The following DPY19L4 variants were observed in gnomAD, a reference collection of about 807,000 sequenced individuals.
DPY19L4 encodes the protein probable C-mannosyltransferase DPY19L4.
Under a neutral mutation model 102.8 loss-of-function variants are expected in DPY19L4, and 97 were observed. The observed-to-expected ratio is 0.94, with a 90% CI of 0.80 to 1.12. The LOEUF (loss-of-function observed/expected upper bound fraction) is 1.12, where lower values mean the gene tolerates loss of function less well. Ranked by LOEUF, DPY19L4 falls within the 50% of genes most tolerant of loss-of-function variation. The pLI, the probability that DPY19L4 is intolerant of heterozygous loss-of-function variation, is 0.00. For synonymous variants in DPY19L4, 252 were observed against 283.1 expected, an observed-to-expected ratio of 0.89 and a Z score of 1.10; for missense variants, 815 against 850.4, an observed-to-expected ratio of 0.96 and a Z score of 0.52.
intron 13 of DPY19L4, among the ~76,000 whole-genome samples, chr8:94,774,793 A>T (rs988350341): frequency 2.0e-5 from 3 of 151,674 alleles, no homozygotes. Context: ...GTCAGGCTGG[A>T]CTCAAACTCC....
chr8:94,741,215 A>G (rs1162184804), intron 6 of DPY19L4, among the ~76,000 whole-genome samples: 1 of 152,174 alleles, frequency 6.6e-6, no homozygotes, highest in Non-Finnish European at 1.5e-5. Context: ...GTTTGGGGGA[A>G]TGGCAGTCAG....
At position 94,739,437 on chromosome 8, in the gene DPY19L4, A is replaced by G. The variant is rs1811335972; in HGVS notation, c.368A>G (p.Asn123Ser). 1.3e-6 allele frequency: 2 copies of G among 1,590,994 alleles called. No individual in the cohort carries two copies. The highest frequency in any genetic ancestry group is 1.9e-5 in the Admixed American group (1 of 52,694). ...ERGVYELTHN[N>S]KTVSLKTINA... ...GGTGTTTACGAACTGACACACAATA[A>G]CAAAACTGTATCTCTGAAGACTATA... The change falls in exon 5 of 19, where the codon AAC becomes AGC. Residue 123 changes from asparagine (N) to serine (S), a missense_variant. Physicochemically the swap from Asn to Ser is conservative, Grantham distance 46 (BLOSUM62 1). Coordinates refer to ENST00000414645, the MANE Select transcript of DPY19L4 (RefSeq NM_181787.3).
chr8:94,764,569 C>A (rs1438481182), intron 8 of DPY19L4, among the ~76,000 whole-genome samples: 1 of 133,080 alleles, frequency 7.5e-6, no homozygotes, highest in African/African-American at 2.9e-5. Context: ...GAGCGAGACT[C>A]CGTCTCAAAA....
At chr8:94,731,109 T>C (rs1810935197) in intron 2 of DPY19L4, among the ~76,000 whole-genome samples, 1 of 149,882 alleles carries the variant, frequency 6.7e-6, no homozygotes, top group Non-Finnish European at 1.5e-5. Context: ...TATATAGAAA[T>C]TGGTTGAATA....
Position 94,726,429 on chromosome 8 carries a change from A to G in DPY19L4, c.115A>G (p.Arg39Gly). 1 of 1,607,568 alleles carries G rather than the reference A, an allele frequency of 6.2e-7. No homozygotes were observed. The change falls in exon 2 of 19, where the codon AGA (arginine) becomes GGA (glycine). Residue 39 changes from arginine (R) to glycine (G), a missense_variant. Transcript: ENST00000414645. ...EKISDIPIPERAPKHVLFQRF... is the reference protein window; with the variant it reads ...EKISDIPIPEGAPKHVLFQRF... ...AATCAGTGACATTCCAATTCCTGAA[A>G]GAGCTCCAAAACGTAAGTTAGATAG...
chr8:94,764,853 C>A (rs139117629), intron 8 of DPY19L4, among the ~76,000 whole-genome samples: 1 of 148,434 alleles, frequency 6.7e-6, no homozygotes, highest in Non-Finnish European at 1.5e-5. Flanking sequence ...CTCAGCCTCC[C>A]GAGTGGCTGG....
chr8:94,734,529 G>A lies in DPY19L4; in HGVS notation c.128-101G>A, dbSNP rs1811110222. On this transcript the variant is annotated intron_variant, in intron 2 of 18. Transcript: ENST00000414645. ...TTTCTCACAATTAGACTCGAGTTGT[G>A]GGTTTTGGGGACAAAGACCATAGAG... 6 of 1,217,882 alleles carry A rather than the reference G, an allele frequency of 4.9e-6. No individual in the cohort carries two copies. The South Asian group carries it at 9.0e-5, about 18-fold the overall frequency. 75.4% of individuals were successfully genotyped at this position (1,217,882 alleles called of 1,614,324 possible).
intron 6 of DPY19L4, among the ~76,000 whole-genome samples, chr8:94,753,893 A>C (rs769841640): frequency 2.6e-5 from 4 of 151,924 alleles, no homozygotes; most frequent in Non-Finnish European, 5.9e-5. Context: ...AAGAAAGTAC[A>C]TTGTGCTACC....
chr8:94,726,792 T>G (rs1357260410), intron 2 of DPY19L4, among the ~76,000 whole-genome samples: 2 of 152,196 alleles, frequency 1.3e-5, no homozygotes, highest in Non-Finnish European at 2.9e-5. Context: ...CACCTTTTAT[T>G]GGCCAAAGCA....
chr8:94,741,282 C>G (rs777125456), intron 6 of DPY19L4, among the ~76,000 whole-genome samples: 1 of 152,088 alleles, frequency 6.6e-6, no homozygotes, highest in Non-Finnish European at 1.5e-5. Context: ...ATCTGTGTGG[C>G]GTTTTTTAGC....
At chr8:94,735,397 A>T (rs1811148580) in intron 3 of DPY19L4, among the ~76,000 whole-genome samples, 1 of 152,214 alleles carries the variant, frequency 6.6e-6, no homozygotes, top group South Asian at 2.1e-4. Context: ...TGGTTTAATT[A>T]ACACCATCAA....
rs759563148 is a variant in DPY19L4 at position 94,739,427 on chromosome 8, A to G, written c.358A>G (p.Thr120Ala). The G allele has an allele frequency of 6.3e-7, 1 of 1,584,272 alleles. No homozygotes were observed. The highest frequency in any genetic ancestry group is 2.2e-5 in the East Asian group (1 of 44,662). The part of the protein sequence containing the change: ...PSFERGVYEL[T>A]HNNKTVSLKT... ...TCTGTCTTTAGGTGTTTACGAACTG[A>G]CACACAATAACAAAACTGTATCTCT... The change falls in exon 5 of 19, where the codon ACA becomes GCA. Residue 120 changes from threonine (T) to alanine (A), a missense_variant. Physicochemically the swap from Thr to Ala is moderately conservative, Grantham distance 58. Transcript: ENST00000414645.
At chr8:94,720,069 G>A (rs1034612723) in intron 1 of DPY19L4, 55 bp downstream of exon 1, 46 of 1,510,506 alleles carry the variant, frequency 3.0e-5, no homozygotes, top group Non-Finnish European at 4.1e-5. Flanking sequence ...CGGGAAGGAG[G>A]GGCGGGGGCG....
At chr8:94,734,592 CAT>C (rs1390920117) in intron 2 of DPY19L4, 36 bp from the exon 3 acceptor site, 3 of 1,574,412 alleles carry the variant, frequency 1.9e-6, no homozygotes, top group Non-Finnish European at 2.6e-6. Context: ...ATCAAGGGTA[CAT>C]ATTACCTTTT....
intron 2 of DPY19L4, among the ~76,000 whole-genome samples, chr8:94,732,690 G>GA (rs138021122): frequency 6.6e-4 from 98 of 148,450 alleles, no homozygotes; most frequent in African/African-American, 2.1e-3. Flanking sequence ...ATCCTGAAAG[G>GA]AAAAAAAAAA....
rs183032169 is a variant in DPY19L4, at chr8:94,770,995, A to G, written c.1454+424A>G. 1.9e-3 allele frequency among the ~76,000 whole-genome samples: 283 copies of G among 149,432 alleles called. 1 individual carries two copies. The highest frequency in any genetic ancestry group is 6.8e-3 in the African/African-American group (273 of 40,318). The stretch of plus-strand genomic sequence containing the variant: ...AGTGGTGCAATCTCAGCTCACTTCA[A>G]CCTCCGCCTCCCAGGTTCAAGCAAT... On this transcript the variant is annotated intron_variant, in intron 13 of 18. Transcript: ENST00000414645.
At chr8:94,745,475 T>C (rs1042496502) in intron 6 of DPY19L4, among the ~76,000 whole-genome samples, 1 of 152,190 alleles carries the variant, frequency 6.6e-6, no homozygotes, top group Non-Finnish European at 1.5e-5. Context: ...AAAAAGCAAC[T>C]GTACATTGTA....
intron 2 of DPY19L4, among the ~76,000 whole-genome samples, chr8:94,733,837 C>T (rs923465873): frequency 2.8e-4 from 42 of 152,020 alleles, no homozygotes; most frequent in Non-Finnish European, 4.1e-4. Context: ...CTACCGCGCC[C>T]GGCCTATACT....
Position 94,764,717 on chromosome 8 carries a change from A to ATTTT in DPY19L4, c.871-444_871-441dup, listed in dbSNP as rs869220296. On this transcript the variant is annotated intron_variant, in intron 8 of 18. Transcript: ENST00000414645. ...TATATATATATATATATATATATAT[A>ATTTT]TTTTTTTTTTTTTTTTTTTTTTTTT... 2.8e-3 allele frequency among the ~76,000 whole-genome samples: 83 copies of ATTTT among 29,324 alleles called. 4 individuals carry two copies. Among genetic ancestry groups the ATTTT allele is most frequent in the Non-Finnish European group, 4.2e-3 (75 of 17,718 alleles). 19.2% of individuals were successfully genotyped at this position (29,324 alleles called of 152,430 possible).
Sources: allele counts gnomAD v4.1 joint callset (sites outside exome capture counted in the v4.1 genomes callset), GRCh38; gene constraint gnomAD v4.1.1; transcripts MANE v1.5; gene names NCBI Gene and HGNC (gene_info 2026-07-23, HGNC 2026-07-21).